PLXNA4: variants seen among roughly 807,000 people sequenced by gnomAD.
PLXNA4 encodes the protein plexin A4, also known as plexin-A4.
Under a neutral mutation model 191.8 loss-of-function variants are expected in PLXNA4, and 44 were observed. The observed-to-expected ratio is 0.23, with a 90% CI of 0.18 to 0.29. PLXNA4 has a LOEUF of 0.29. PLXNA4 is among the 10% of genes least tolerant of loss of function. PLXNA4 has a pLI of 1.00. For missense variants in PLXNA4, 1,800 were observed against 2,488.8 expected (o/e 0.72, Z 5.89); for synonymous variants, 1,082 against 1,009.5 (o/e 1.07, Z -1.36).
At chr7:132,142,794 G>A (rs759467053) in intron 29 of PLXNA4, among the ~76,000 whole-genome samples, 8 of 152,152 alleles carry the variant, frequency 5.3e-5, no homozygotes, top group Non-Finnish European at 1.2e-4. Context: ...CAGGACTCAC[G>A]ACTTCCAGCT....
intron 2 of PLXNA4, among the ~76,000 whole-genome samples, chr7:132,609,160 G>A (rs1162855989): frequency 1.3e-5 from 2 of 152,108 alleles, no homozygotes; most frequent in African/African-American, 2.4e-5. Flanking sequence ...TACACGTTTT[G>A]TCATAATTAC....
chr7:132,151,605 A>G (rs1175064093), intron 25 of PLXNA4, among the ~76,000 whole-genome samples: 9 of 117,836 alleles, frequency 7.6e-5, no homozygotes, highest in African/African-American at 1.0e-4. Context: ...GGAGAGGGAG[A>G]GGGAGGGGGA....
chr7:132,161,270 C>T (rs1289244220), intron 24 of PLXNA4, among the ~76,000 whole-genome samples: 3 of 152,238 alleles, frequency 2.0e-5, no homozygotes, highest in South Asian at 2.1e-4. Context: ...TTCTAATTGC[C>T]GCAGGAATTC....
chr7:132,365,841 C>T (rs1170086474), intron 3 of PLXNA4: 5 of 152,150 alleles, frequency 3.3e-5, no homozygotes, highest in African/African-American at 9.7e-5. Context: ...GGGTGTCCTG[C>T]CCCCTCTGCT....
chr7:132,160,328 G>A (rs918942122), intron 24 of PLXNA4, among the ~76,000 whole-genome samples: 1 of 152,184 alleles, frequency 6.6e-6, no homozygotes, highest in Non-Finnish European at 1.5e-5. Flanking sequence ...CCTGTGTTGG[G>A]GGAAGAGGCG....
chr7:132,316,121 G>A (rs1378818141), intron 3 of PLXNA4, among the ~76,000 whole-genome samples: 1 of 152,128 alleles, frequency 6.6e-6, no homozygotes, highest in East Asian at 1.9e-4. Flanking sequence ...CCTTGAAGAG[G>A]GGCACTGTCA....
chr7:132,202,372 G>C (rs1006383500), intron 12 of PLXNA4, among the ~76,000 whole-genome samples: 4 of 152,172 alleles, frequency 2.6e-5, no homozygotes, highest in African/African-American at 9.7e-5. Context: ...GGCGAGGACT[G>C]AGTCCTTTTT....
intron 3 of PLXNA4, among the ~76,000 whole-genome samples, chr7:132,396,267 G>T (rs1439893495): frequency 2.0e-5 from 3 of 152,160 alleles, no homozygotes; most frequent in African/African-American, 7.2e-5. Context: ...AGAGCTGCAG[G>T]TTCCCTAGGT....
rs749537432 is a variant in PLXNA4 at position 132,180,711 on chromosome 7, C to T, written c.3514G>A (p.Val1172Met). Residue 1172 changes from valine to methionine, a missense_variant, in exon 19 of 32, where the codon GTG becomes ATG. Physicochemically the swap from Val to Met is conservative, Grantham distance 21 (BLOSUM62 1). Around this residue, in one of 6 missense-constraint regions of PLXNA4, gnomAD observed 1,397 missense variants for 1,880.4 expected, o/e 0.74. Coordinates refer to ENST00000321063, the MANE Select transcript of PLXNA4 (RefSeq NM_020911.2). Reference protein sequence around the residue: ...ILKGKNLIPPVAGGNVKLNYT... With the variant: ...ILKGKNLIPPMAGGNVKLNYT... ...TTCAGCTTCACGTTGCCCCCAGCCA[C>T]AGGCGGGATCAGGTTCTTGCCCTGT... 2.5e-6 allele frequency: 4 copies of T among 1,614,060 alleles called. No homozygotes were observed. Among genetic ancestry groups the T allele is most frequent in the Admixed American group, 3.3e-5 (2 of 60,008 alleles).
chr7:132,354,643 A>G (rs933847446), intron 3 of PLXNA4, among the ~76,000 whole-genome samples: 1 of 152,226 alleles, frequency 6.6e-6, no homozygotes, highest in Non-Finnish European at 1.5e-5. Flanking sequence ...CCTGCTCTGC[A>G]GATGGCTCTA....
intron 3 of PLXNA4, chr7:132,384,320 T>C (rs1805024915): frequency 1.0e-6 from 1 of 985,458 alleles, no homozygotes; most frequent in Non-Finnish European, 1.2e-6. Context: ...CTTGCCTTCA[T>C]ACACTCTTGA....
At chr7:132,393,887 A>G (rs1230441239) in intron 3 of PLXNA4, among the ~76,000 whole-genome samples, 2 of 152,180 alleles carry the variant, frequency 1.3e-5, no homozygotes, top group Non-Finnish European at 2.9e-5. Flanking sequence ...GGGGCTGTGT[A>G]ACAATCCAGG....
At chr7:132,495,063 C>T (rs1398488871) in intron 2 of PLXNA4, among the ~76,000 whole-genome samples, 1 of 152,226 alleles carries the variant, frequency 6.6e-6, no homozygotes, top group African/African-American at 2.4e-5. Flanking sequence ...CCCACTCTGA[C>T]AGCCACATCA....
chr7:132,145,824 T>A (rs1206593011), intron 28 of PLXNA4, among the ~76,000 whole-genome samples: 1 of 151,314 alleles, frequency 6.6e-6, no homozygotes, highest in African/African-American at 2.4e-5. Flanking sequence ...TAATCCCAAC[T>A]TCTGGGAGGC....
chr7:132,551,997 G>T lies in PLXNA4; in HGVS notation c.-87+24425C>A, dbSNP rs181698643. Reference sequence around the variant, plus strand: ...AGGGCCAGGTTGAAGGGGGTGGGGGGAAGGAGAGGAGGGAAAAGAATCTTA... The same window carrying T: ...AGGGCCAGGTTGAAGGGGGTGGGGGTAAGGAGAGGAGGGAAAAGAATCTTA... On this transcript the variant is annotated intron_variant, in intron 1 of 31. Transcript: ENST00000321063. Among the ~76,000 whole-genome samples the T allele has an allele frequency of 3.3e-5, 5 of 152,206 alleles. No individual in the cohort carries two copies. In the East Asian group the frequency reaches 9.7e-4, roughly 29 times the overall value.
intron 25 of PLXNA4, among the ~76,000 whole-genome samples, chr7:132,151,984 C>G (rs148470572): frequency 4.4e-4 from 67 of 152,310 alleles, no homozygotes; most frequent in African/African-American, 1.5e-3. Context: ...TACTTACCTG[C>G]CCTCCTTCCT....
rs1021922745 is a variant in PLXNA4 at position 132,555,662 on chromosome 7, A to G, written c.-87+20760T>C. On this transcript the variant is annotated intron_variant, in intron 1 of 31. Transcript: ENST00000321063. ...CTGAACCTCAGAGAAGACAGGTAAC[A>G]TGCTGACGCCACACAGCTGAGTAGC... 5.3e-5 allele frequency among the ~76,000 whole-genome samples: 8 copies of G among 152,258 alleles called. No individual in the cohort carries two copies. In the South Asian group the frequency reaches 8.3e-4, roughly 16 times the overall value.
intron 3 of PLXNA4, among the ~76,000 whole-genome samples, chr7:132,346,660 G>T (rs1369242263): frequency 6.6e-6 from 1 of 152,110 alleles, no homozygotes; most frequent in East Asian, 1.9e-4. Context: ...TTCCCCATCT[G>T]CCCACTGTAG....
At chr7:132,167,868 C>G (rs1796166258) in intron 22 of PLXNA4, among the ~76,000 whole-genome samples, 1 of 152,194 alleles carries the variant, frequency 6.6e-6, no homozygotes, top group South Asian at 2.1e-4. Flanking sequence ...GCTTTTCTAA[C>G]AAGCTCCAGT....
Sources: allele counts gnomAD v4.1 joint callset (sites outside exome capture counted in the v4.1 genomes callset), GRCh38; gene constraint gnomAD v4.1.1; regional missense constraint gnomAD v4.1.1; transcripts MANE v1.5; gene names NCBI Gene and HGNC (gene_info 2026-07-23, HGNC 2026-07-21).